The following PITPNM3 variants were observed in gnomAD, a reference collection of about 807,000 sequenced individuals.
The protein encoded by PITPNM3 is PITPNM family member 3.
PITPNM3 carries 26 observed loss-of-function variants against 102.0 expected under a neutral mutation model. The observed-to-expected ratio is 0.25, with a 90% CI of 0.19 to 0.35. The LOEUF (loss-of-function observed/expected upper bound fraction) is 0.35. Ranked by LOEUF, PITPNM3 falls within the 10% of genes least tolerant of loss-of-function variation. The pLI, the probability that PITPNM3 is intolerant of heterozygous loss-of-function variation, is 1.00. For synonymous variants in PITPNM3, 578 were observed against 558.6 expected, an observed-to-expected ratio of 1.03 and a Z score of -0.49; for missense variants, 1,083 against 1,346.1, an observed-to-expected ratio of 0.80 and a Z score of 3.06.
chr17:6,468,363 C>T lies in PITPNM3; in HGVS notation c.1774-22G>A, dbSNP rs775878217. 27 of 1,611,318 alleles carry T rather than the reference C, an allele frequency of 1.7e-5. No homozygotes were observed. In the East Asian group the frequency reaches 5.6e-4, roughly 33 times the overall value. On this transcript the variant is annotated intron_variant, in intron 13 of 19. Transcript: ENST00000262483. The surrounding 1 kb of genome is among the most constrained non-coding windows in gnomAD (Gnocchi z 5.2). ...TTACCTAGCCAAGAGCCGAGCAGGG[C>T]CCCGGTCAGGTCTTCTGGCTTCTCT...
intron 1 of PITPNM3, among the ~76,000 whole-genome samples, chr17:6,546,898 C>G (rs1322773503): frequency 6.6e-6 from 1 of 151,850 alleles, no homozygotes; most frequent in Non-Finnish European, 1.5e-5. Context: ...CCCAGCTACT[C>G]GGGAGGCTGA....
intron 9 of PITPNM3, among the ~76,000 whole-genome samples, chr17:6,476,591 C>T (rs948448330): frequency 6.6e-6 from 1 of 152,178 alleles, no homozygotes; most frequent in Non-Finnish European, 1.5e-5. Flanking sequence ...GGCTGCATGA[C>T]CTCTAGAAAG....
In PITPNM3 at chr17:6,556,445, C is replaced by A; in HGVS notation, c.-39G>T. The A allele has an allele frequency of 8.2e-7, 1 of 1,219,274 alleles. No homozygotes were observed. Among genetic ancestry groups the A allele is most frequent in the Non-Finnish European group, 1.0e-6 (1 of 980,668 alleles). 75.5% of individuals were successfully genotyped at this position (1,219,274 alleles called of 1,614,324 possible). On this transcript the variant is annotated 5_prime_UTR_variant, in exon 1 of 20. It adds an upstream start codon to the 5' untranslated region. Coordinates refer to ENST00000262483, the MANE Select transcript of PITPNM3 (RefSeq NM_031220.4). This position sits in a 1 kb window ranked among gnomAD's most constrained non-coding sequence, Gnocchi z 5.2. ...GGCTCCGGCGGCGCTACGCGCGCTC[C>A]TCGCGCTTCCCGGGCCCGGCCCCGA...
At chr17:6,508,615 A>G (rs1450667918) in intron 3 of PITPNM3, among the ~76,000 whole-genome samples, 1 of 152,110 alleles carries the variant, frequency 6.6e-6, no homozygotes, top group African/African-American at 2.4e-5. Context: ...GGAGCAGAGA[A>G]GGGGACATTT....
chr17:6,503,676 G>C (rs1311066246), intron 3 of PITPNM3, 102 bp from the exon 4 acceptor site: 5 of 1,215,454 alleles, frequency 4.1e-6, no homozygotes, highest in Non-Finnish European at 5.9e-6. Flanking sequence ...CCTCACTCTA[G>C]AGCTTGGGAT....
chr17:6,471,276 G>A lies in PITPNM3; in HGVS notation c.1509C>T (p.Ala503=). ...RDSPPLLDAP[A]SPPQASRFQR... Reference sequence around the variant, plus strand: ...GGAACCTCGAGGCCTGAGGGGGCGAGGCAGGGGCATCCAGAAGTGGCGGGC... The same window carrying A: ...GGAACCTCGAGGCCTGAGGGGGCGAAGCAGGGGCATCCAGAAGTGGCGGGC... The change falls in exon 12 of 20, where the codon GCC becomes GCT. Residue 503 remains alanine, a synonymous_variant. Coordinates refer to ENST00000262483, the MANE Select transcript of PITPNM3 (RefSeq NM_031220.4). 1 of 1,613,282 alleles carries A rather than the reference G, an allele frequency of 6.2e-7. No homozygotes were observed. Among genetic ancestry groups the A allele is most frequent in the Non-Finnish European group, 8.5e-7 (1 of 1,179,890 alleles).
In PITPNM3 at chr17:6,517,743, AGAGGT is replaced by A; in HGVS notation, c.226+7608_226+7612del. On this transcript the variant is annotated intron_variant, in intron 3 of 19. Coordinates refer to ENST00000262483, the MANE Select transcript of PITPNM3 (RefSeq NM_031220.4). This position sits in a 1 kb window ranked among gnomAD's most constrained non-coding sequence, Gnocchi z 4.1. ...CCCAGCTAGTTGTTTAATTTTTTGT[AGAGGT>A]AGGAGTCACTCTCTTTACCCAGGCT... 6.6e-6 allele frequency among the ~76,000 whole-genome samples: 1 copy of A among 152,124 alleles called. No individual in the cohort carries two copies. Among genetic ancestry groups the A allele is most frequent in the East Asian group, 1.9e-4 (1 of 5,170 alleles).
rs3809839 is a variant in PITPNM3 at position 6,452,357 on chromosome 17, C to G, written c.*2981G>C. ...AAGGTGGCAGGCAGGCCCTCGGCTA[C>G]GACAGCCACCGGATCGGGAAGAACA... On this transcript the variant is annotated 3_prime_UTR_variant, in exon 20 of 20. Transcript: ENST00000262483. 6.6e-6 allele frequency: 1 copy of G among 152,054 alleles called. No homozygotes were observed. The highest frequency in any genetic ancestry group is 2.4e-5 in the African/African-American group (1 of 41,396). The allele number at this position is 152,054 out of a possible 1,614,324, so 9.4% of individuals were successfully genotyped here.
At chr17:6,553,871 G>A (rs540346829) in intron 1 of PITPNM3, among the ~76,000 whole-genome samples, 1 of 152,136 alleles carries the variant, frequency 6.6e-6, no homozygotes, top group Non-Finnish European at 1.5e-5. Flanking sequence ...TTCCCCAGCT[G>A]TGAAGAAAGA....
At chr17:6,460,522 G>GTAT (rs1904389239) in intron 18 of PITPNM3, 1 of 152,274 alleles carries the variant, frequency 6.6e-6, no homozygotes, top group South Asian at 2.1e-4. Flanking sequence ...TTCTGCTGTT[G>GTAT]TATTGCAAAA....
At chr17:6,531,332 T>C (rs1909133376) in intron 2 of PITPNM3, among the ~76,000 whole-genome samples, 1 of 152,210 alleles carries the variant, frequency 6.6e-6, no homozygotes, top group South Asian at 2.1e-4. Flanking sequence ...CAACCTTGCA[T>C]CCTTTCAGGG....
chr17:6,498,400 G>A (rs1271654380), intron 4 of PITPNM3, among the ~76,000 whole-genome samples: 2 of 152,268 alleles, frequency 1.3e-5, no homozygotes, highest in African/African-American at 4.8e-5. Flanking sequence ...GGGTAAGGTT[G>A]TATGGAGGCA....
chr17:6,511,076 C>T (rs1907840577), intron 3 of PITPNM3, among the ~76,000 whole-genome samples: 1 of 152,204 alleles, frequency 6.6e-6, no homozygotes, highest in Non-Finnish European at 1.5e-5. Flanking sequence ...CTTTATGTCC[C>T]TCATGGTAGC....
chr17:6,528,756 G>A (rs1015330585), intron 2 of PITPNM3, among the ~76,000 whole-genome samples: 2 of 151,680 alleles, frequency 1.3e-5, no homozygotes, highest in Non-Finnish European at 2.9e-5. Context: ...CAGCCTTTAC[G>A]TCTTCACTCT....
At chr17:6,526,780 G>A (rs1345447345) in intron 2 of PITPNM3, among the ~76,000 whole-genome samples, 1 of 152,182 alleles carries the variant, frequency 6.6e-6, no homozygotes, top group Non-Finnish European at 1.5e-5. Flanking sequence ...TATAGACAAG[G>A]AAACTGAGGC....
intron 2 of PITPNM3, among the ~76,000 whole-genome samples, chr17:6,532,254 C>A (rs556651426): frequency 6.6e-6 from 1 of 152,294 alleles, no homozygotes; most frequent in African/African-American, 2.4e-5. Flanking sequence ...CCCCAGGGAC[C>A]CTCTAGCAGC....
chr17:6,544,654 T>TCACACACACACA (rs754945876), intron 1 of PITPNM3, among the ~76,000 whole-genome samples: 52 of 130,264 alleles, frequency 4.0e-4, no homozygotes, highest in African/African-American at 1.5e-3. Flanking sequence ...TCTCTCTCTC[T>TCACACACACACA]CACACACACA....
At chr17:6,536,529 G>T (rs1400144315) in intron 2 of PITPNM3, among the ~76,000 whole-genome samples, 2 of 152,134 alleles carry the variant, frequency 1.3e-5, no homozygotes, top group Non-Finnish European at 2.9e-5. Flanking sequence ...CAGGGAAGGG[G>T]TTCCCCGCCC....
intron 1 of PITPNM3, among the ~76,000 whole-genome samples, chr17:6,551,510 T>C (rs2047579549): frequency 6.6e-6 from 1 of 152,132 alleles, no homozygotes; most frequent in Non-Finnish European, 1.5e-5. Context: ...AGTAGAGTAA[T>C]CGGTGCCCTA....
Sources: allele counts gnomAD v4.1 joint callset (sites outside exome capture counted in the v4.1 genomes callset), GRCh38; gene constraint gnomAD v4.1.1; non-coding constraint Gnocchi (gnomAD v3.1); transcripts MANE v1.5; gene names NCBI Gene and HGNC (gene_info 2026-07-23, HGNC 2026-07-21).